UBAP1: variants seen among roughly 807,000 people sequenced by gnomAD.
The protein encoded by UBAP1 is ubiquitin associated protein 1.
Under a neutral mutation model 39.0 loss-of-function variants are expected in UBAP1, and 5 were observed. That is an observed-to-expected ratio of 0.13 (90% CI 0.07 to 0.27). The LOEUF (loss-of-function observed/expected upper bound fraction) is 0.27, where lower values mean the gene tolerates loss of function less well. Ranked by LOEUF, UBAP1 falls within the 10% of genes least tolerant of loss-of-function variation. UBAP1 has a pLI of 1.00. For missense variants in UBAP1, 490 were observed against 608.1 expected (o/e 0.81, Z 2.04); for synonymous variants, 211 against 225.1 (o/e 0.94, Z 0.56).
intron 1 of UBAP1, among the ~76,000 whole-genome samples, chr9:34,184,655 G>A (rs1428858401): frequency 3.5e-5 from 5 of 144,134 alleles, no homozygotes; most frequent in Non-Finnish European, 7.6e-5. Context: ...AGAGAGTCTC[G>A]CTCTGTTGCC....
rs190819911 is a variant in UBAP1 at position 34,213,560 on chromosome 9, C to A, written c.-7-7348C>A. ...CCATCTATGACACACCTACAGCCAA[C>A]CTAATACTGAATGGGGAAAAGTGGA... On this transcript the variant is annotated intron_variant, in intron 1 of 6. Coordinates refer to ENST00000297661, the MANE Select transcript of UBAP1 (RefSeq NM_016525.5). Among the ~76,000 whole-genome samples, 927 of 152,068 alleles carry A rather than the reference C, an allele frequency of 6.1e-3. 6 individuals are homozygous for A. The highest frequency in any genetic ancestry group is 9.4e-3 in the Non-Finnish European group (640 of 67,952).
chr9:34,237,232 C>CT (rs34103987), intron 3 of UBAP1, among the ~76,000 whole-genome samples: 56,750 of 151,782 alleles, frequency 0.37, 11,597 homozygotes, highest in East Asian at 0.89. Context: ...CTACTGGGCA[C>CT]TGCAGGTAGA....
intron 1 of UBAP1, among the ~76,000 whole-genome samples, chr9:34,192,515 C>T (rs1347454866): frequency 1.9e-5 from 2 of 107,504 alleles, no homozygotes; most frequent in Admixed American, 9.4e-5. Context: ...GACTCCATCT[C>T]AAAAAAAAAA....
At chr9:34,179,512 A>G (rs780537892) in intron 1 of UBAP1, among the ~76,000 whole-genome samples, 5 of 152,038 alleles carry the variant, frequency 3.3e-5, no homozygotes, top group Non-Finnish European at 7.4e-5. Flanking sequence ...CTACTGGAAG[A>G]CAGGCATAGT....
intron 1 of UBAP1, among the ~76,000 whole-genome samples, chr9:34,185,980 C>A (rs1335711522): frequency 6.6e-6 from 1 of 152,200 alleles, no homozygotes; most frequent in Non-Finnish European, 1.5e-5. Flanking sequence ...AAGGTTACAA[C>A]TAGGTAGACT....
At chr9:34,187,517 A>G (rs1830468995) in intron 1 of UBAP1, among the ~76,000 whole-genome samples, 1 of 152,188 alleles carries the variant, frequency 6.6e-6, no homozygotes, top group African/African-American at 2.4e-5. Flanking sequence ...ATGTGATTTG[A>G]CAATGAGACC....
chr9:34,184,926 CTTTTTTT>C (rs35634769), intron 1 of UBAP1, among the ~76,000 whole-genome samples: 1 of 105,032 alleles, frequency 9.5e-6, no homozygotes, highest in African/African-American at 3.9e-5. Flanking sequence ...CCAGCCAATC[CTTTTTTT>C]TTTTTTTTTT....
At chr9:34,244,464 CT>C (rs969662044) in intron 4 of UBAP1, among the ~76,000 whole-genome samples, 29 of 68,112 alleles carry the variant, frequency 4.3e-4, no homozygotes, top group Non-Finnish European at 4.6e-4. Flanking sequence ...TCACTTTACT[CT>C]TTTTTTTTTT....
At chr9:34,210,246 G>A (rs549140157) in intron 1 of UBAP1, among the ~76,000 whole-genome samples, 28 of 152,266 alleles carry the variant, frequency 1.8e-4, no homozygotes, top group African/African-American at 6.3e-4. Flanking sequence ...TAATAAGGGG[G>A]CTAAGTTTTG....
chr9:34,234,586 G>T (rs1833585427), intron 3 of UBAP1, among the ~76,000 whole-genome samples: 1 of 151,920 alleles, frequency 6.6e-6, no homozygotes, highest in Admixed American at 6.6e-5. Context: ...TTTGAGACCA[G>T]GCTGGGCAAC....
chr9:34,213,755 C>T (rs893559132), intron 1 of UBAP1, among the ~76,000 whole-genome samples: 5 of 152,060 alleles, frequency 3.3e-5, no homozygotes, highest in Admixed American at 6.6e-5. Flanking sequence ...ACAATATGAT[C>T]GTTTACCTTG....
chr9:34,216,056 C>T (rs1190618550), intron 1 of UBAP1, among the ~76,000 whole-genome samples: 1 of 151,652 alleles, frequency 6.6e-6, no homozygotes, highest in Admixed American at 6.6e-5. Flanking sequence ...TTTACTATTC[C>T]TTGTGGTCTT....
intron 3 of UBAP1, among the ~76,000 whole-genome samples, chr9:34,236,959 A>ATC (rs1563917688): frequency 1.3e-5 from 2 of 151,908 alleles, no homozygotes; most frequent in Non-Finnish European, 2.9e-5. Context: ...CTTGTACGTT[A>ATC]TCTCTCTATA....
chr9:34,210,229 C>T (rs1200571845), intron 1 of UBAP1, among the ~76,000 whole-genome samples: 8 of 152,030 alleles, frequency 5.3e-5, no homozygotes, highest in Admixed American at 4.6e-4. Flanking sequence ...CGATGTGCAG[C>T]GGACAGTAAT....
At chr9:34,226,117 G>GTGTGTGTGTGTGTGTT (rs1324489218) in intron 2 of UBAP1, among the ~76,000 whole-genome samples, 37 of 94,328 alleles carry the variant, frequency 3.9e-4, no homozygotes, top group African/African-American at 1.1e-3. Context: ...GTGTGTGTGT[G>GTGTGTGTGTGTGTGTT]TGTGTGTGTG....
In UBAP1 at chr9:34,179,043, G is replaced by C. The variant is rs1436174203; in HGVS notation, c.-205G>C. On this transcript the variant is annotated 5_prime_UTR_variant, in exon 1 of 7. Transcript: ENST00000297661. ...AGTGGGGCGGTGAGGGGAAGGAGGAGGGAAGTAGGACTTCAACATGGCGGC... is the reference window on the plus strand; with the variant it reads ...AGTGGGGCGGTGAGGGGAAGGAGGACGGAAGTAGGACTTCAACATGGCGGC... 3 of 1,264,102 alleles carry C rather than the reference G, an allele frequency of 2.4e-6. No individual in the cohort carries two copies. The highest frequency in any genetic ancestry group is 2.9e-5 in the South Asian group (1 of 34,854). The allele number at this position is 1,264,102 out of a possible 1,614,324, so 78.3% of individuals were successfully genotyped here.
intron 1 of UBAP1, among the ~76,000 whole-genome samples, chr9:34,186,524 C>CA (rs1830414870): frequency 6.6e-6 from 1 of 152,128 alleles, no homozygotes; most frequent in African/African-American, 2.4e-5. Context: ...TCCTCCTCAA[C>CA]ACTTGATATT....
chr9:34,217,899 G>C (rs1489521898), intron 1 of UBAP1, among the ~76,000 whole-genome samples: 1 of 137,586 alleles, frequency 7.3e-6, no homozygotes, highest in East Asian at 2.3e-4. Flanking sequence ...CCAGCCTCAA[G>C]TGATTCTCAT....
At chr9:34,223,931 T>TG (rs964005565) in intron 2 of UBAP1, 4 of 295,960 alleles carry the variant, frequency 1.4e-5, no homozygotes, top group Non-Finnish European at 2.6e-5. Flanking sequence ...GGGTTTTTTT[T>TG]GGGAACAAAA....
Sources: allele counts gnomAD v4.1 joint callset (sites outside exome capture counted in the v4.1 genomes callset), GRCh38; gene constraint gnomAD v4.1.1; transcripts MANE v1.5; gene names NCBI Gene and HGNC (gene_info 2026-07-23, HGNC 2026-07-21).